TESC: variants seen among roughly 807,000 people sequenced by gnomAD.
The protein encoded by TESC is calcineurin B homologous protein 3.
A neutral mutation model predicts 31.0 loss-of-function variants in TESC; 19 were observed. The ratio of observed to expected loss-of-function variants is 0.61; its 90% CI spans 0.43 to 0.90. TESC has a LOEUF of 0.90. Ranked by LOEUF, TESC falls within the 40% of genes least tolerant of loss-of-function variation. The pLI is 0.00. For synonymous variants in TESC, 109 were observed against 114.8 expected (o/e 0.95, Z 0.32); for missense variants, 248 against 303.8 (o/e 0.82, Z 1.36).
chr12:117,084,537 T>C (rs1481288823), intron 1 of TESC, among the ~76,000 whole-genome samples: 6 of 152,254 alleles, frequency 3.9e-5, no homozygotes, highest in Non-Finnish European at 8.8e-5. Context: ...TGCCTGGCCC[T>C]GGCCTCCCCC....
At chr12:117,067,425 T>C (rs1954903642) in intron 2 of TESC, among the ~76,000 whole-genome samples, 3 of 152,034 alleles carry the variant, frequency 2.0e-5, no homozygotes. Context: ...TTTAATTAGC[T>C]GGATGTGGTG....
At chr12:117,067,694 T>C (rs190305922) in intron 2 of TESC, among the ~76,000 whole-genome samples, 29 of 152,378 alleles carry the variant, frequency 1.9e-4, no homozygotes, top group Admixed American at 1.6e-3. Flanking sequence ...GCTACATCTC[T>C]TGCATTAGCC....
At chr12:117,044,970 TG>T (rs1437382919) in intron 6 of TESC, among the ~76,000 whole-genome samples, 1 of 152,110 alleles carries the variant, frequency 6.6e-6, no homozygotes, top group Non-Finnish European at 1.5e-5. Context: ...TCCATTAAAG[TG>T]GGGACCAGGG....
At chr12:117,041,222 A>G (rs1050081801) in intron 7 of TESC, among the ~76,000 whole-genome samples, 1 of 152,226 alleles carries the variant, frequency 6.6e-6, no homozygotes, top group Admixed American at 6.5e-5. Flanking sequence ...ATTTTAGGAC[A>G]CAGCGAGGAA....
At chr12:117,093,937 A>G (rs1955353849) in intron 1 of TESC, among the ~76,000 whole-genome samples, 1 of 152,060 alleles carries the variant, frequency 6.6e-6, no homozygotes, top group African/African-American at 2.4e-5. Context: ...AGGAGCAGAC[A>G]CGGATGGGGG....
At chr12:117,054,979 C>T (rs548273907) in intron 3 of TESC, among the ~76,000 whole-genome samples, 25 of 152,244 alleles carry the variant, frequency 1.6e-4, no homozygotes, top group African/African-American at 2.9e-4. Context: ...ATCCCGGTCA[C>T]CCAGGTCTTT....
At chr12:117,039,975 G>A (rs1236077753) in intron 7 of TESC, among the ~76,000 whole-genome samples, 1 of 151,422 alleles carries the variant, frequency 6.6e-6, no homozygotes, top group Non-Finnish European at 1.5e-5. Flanking sequence ...TGGTAGGATG[G>A]GGGGGTGCCA....
At chr12:117,055,074 G>A (rs1376093149) in intron 3 of TESC, among the ~76,000 whole-genome samples, 1 of 152,178 alleles carries the variant, frequency 6.6e-6, no homozygotes, top group South Asian at 2.1e-4. Context: ...ACACCTCTTT[G>A]TAAGCTTCAC....
chr12:117,098,058 T>C (rs1022052385), intron 1 of TESC, among the ~76,000 whole-genome samples: 22 of 152,258 alleles, frequency 1.4e-4, no homozygotes, highest in African/African-American at 5.3e-4. Context: ...GCAATTTTCA[T>C]CCAGTTCTCC....
At chr12:117,058,574 A>T (rs544213261) in intron 2 of TESC, among the ~76,000 whole-genome samples, 4 of 151,374 alleles carry the variant, frequency 2.6e-5, no homozygotes, top group African/African-American at 9.7e-5. Flanking sequence ...TTAAAAAAAA[A>T]AAAAAAAAAA....
chr12:117,047,336 T>C (rs897079857), intron 4 of TESC, among the ~76,000 whole-genome samples: 9 of 152,102 alleles, frequency 5.9e-5, no homozygotes, highest in Non-Finnish European at 1.3e-4. Flanking sequence ...AGGGAGGCGA[T>C]GGCCGGGAGG....
At chr12:117,089,164 C>T (rs1955268832) in intron 1 of TESC, among the ~76,000 whole-genome samples, 1 of 152,206 alleles carries the variant, frequency 6.6e-6, no homozygotes, top group Non-Finnish European at 1.5e-5. Context: ...TGAATCCAAA[C>T]TCCAAGACTG....
intron 2 of TESC, among the ~76,000 whole-genome samples, chr12:117,060,341 C>A (rs1404953975): frequency 1.3e-5 from 2 of 152,106 alleles, no homozygotes; most frequent in African/African-American, 2.4e-5. Flanking sequence ...CTTTTGGGAG[C>A]CGGGAACATT....
intron 1 of TESC, among the ~76,000 whole-genome samples, chr12:117,082,633 A>G (rs1190714685): frequency 6.6e-6 from 1 of 152,240 alleles, no homozygotes; most frequent in African/African-American, 2.4e-5. Context: ...GGACATCGGA[A>G]AATGTCATAT....
chr12:117,043,566 T>G (rs1042666808), intron 6 of TESC, among the ~76,000 whole-genome samples: 1 of 152,172 alleles, frequency 6.6e-6, no homozygotes, highest in African/African-American at 2.4e-5. Flanking sequence ...TTCAAGTGAT[T>G]CTCTTGCCTC....
chr12:117,077,392 C>T (rs1218029200), intron 1 of TESC, among the ~76,000 whole-genome samples: 1 of 152,208 alleles, frequency 6.6e-6, no homozygotes, highest in Non-Finnish European at 1.5e-5. Flanking sequence ...AGGACACTGG[C>T]TACTTCATGG....
intron 6 of TESC, among the ~76,000 whole-genome samples, chr12:117,045,050 C>A (rs957480422): frequency 6.6e-6 from 1 of 152,210 alleles, no homozygotes; most frequent in Middle Eastern, 3.2e-3. Context: ...GGGATTGAAC[C>A]GACGCAGCTG....
chr12:117,052,232 G>A (rs1316170071), intron 3 of TESC, among the ~76,000 whole-genome samples: 2 of 152,134 alleles, frequency 1.3e-5, no homozygotes, highest in African/African-American at 4.8e-5. Context: ...AAGGAATGGG[G>A]CGCCCTGGAG....
At chr12:117,065,122 G>T (rs1365720632) in intron 2 of TESC, among the ~76,000 whole-genome samples, 4 of 152,226 alleles carry the variant, frequency 2.6e-5, no homozygotes, top group African/African-American at 9.6e-5. Flanking sequence ...CTCCCAATGG[G>T]TGAGACAGAA....
Sources: allele counts gnomAD v4.1 joint callset (sites outside exome capture counted in the v4.1 genomes callset), GRCh38; gene constraint gnomAD v4.1.1; transcripts MANE v1.5; gene names NCBI Gene and HGNC (gene_info 2026-07-23, HGNC 2026-07-21).